OTOF: variants seen among roughly 807,000 people sequenced by gnomAD.
OTOF encodes the protein fer-1-like family member 2.
In OTOF, 218 loss-of-function variants were observed where a neutral mutation model predicts 236.8. The ratio of observed to expected loss-of-function variants is 0.92; its 90% confidence interval spans 0.82 to 1.03. OTOF has a LOEUF of 1.03. OTOF is among the 50% of genes least tolerant of loss of function. OTOF has a pLI of 0.00. For missense variants in OTOF, 2,590 were observed against 2,694.4 expected, an observed-to-expected ratio of 0.96 and a Z score of 0.86; for synonymous variants, 1,041 against 1,072.5, an observed-to-expected ratio of 0.97 and a Z score of 0.57.
rs377063843 is a variant in OTOF, at chr2:26,480,300, A to C, written c.1815T>G (p.Gly605=). The C allele has an allele frequency of 6.2e-7, 1 of 1,604,016 alleles. No individual in the cohort carries two copies. Among genetic ancestry groups the C allele is most frequent in the Non-Finnish European group, 8.5e-7 (1 of 1,172,422 alleles). The change falls in exon 16 of 47, where the codon GGT becomes GGG. Residue 605 remains glycine (G), a synonymous_variant. Transcript: ENST00000272371. ...QATPISESCA[G]KMEEFFLFGA... ...CAAAGAGAAAGAATTCTTCCATTTTACCTGCACAGCTCTGTGGGGAGGCAG... is the reference window on the plus strand; with the variant it reads ...CAAAGAGAAAGAATTCTTCCATTTTCCCTGCACAGCTCTGTGGGGAGGCAG...
At chr2:26,499,432 T>C (rs971616838) in intron 8 of OTOF, among the ~76,000 whole-genome samples, 2 of 152,180 alleles carry the variant, frequency 1.3e-5, no homozygotes, top group African/African-American at 4.8e-5. Context: ...CTGCGGTCTT[T>C]ATATCTCATC....
At chr2:26,535,255 A>C (rs1667042647) in intron 2 of OTOF, among the ~76,000 whole-genome samples, 2 of 152,164 alleles carry the variant, frequency 1.3e-5, no homozygotes, top group Admixed American at 1.3e-4. Flanking sequence ...TCTATGCATG[A>C]ATTCAGAACC....
chr2:26,528,292 C>T (rs1025827422), intron 2 of OTOF, among the ~76,000 whole-genome samples: 2 of 152,144 alleles, frequency 1.3e-5, no homozygotes, highest in African/African-American at 4.8e-5. Flanking sequence ...GGGTGGTGGT[C>T]GGGTCCCAGG....
intron 8 of OTOF, among the ~76,000 whole-genome samples, chr2:26,497,859 A>T (rs986965397): frequency 1.3e-5 from 2 of 151,466 alleles, no homozygotes; most frequent in East Asian, 3.9e-4. Flanking sequence ...CTATGAAGAG[A>T]GCAAACGGAC....
At chr2:26,481,298 C>T (rs1665535293) in intron 14 of OTOF, among the ~76,000 whole-genome samples, 2 of 152,216 alleles carry the variant, frequency 1.3e-5, no homozygotes, top group African/African-American at 4.8e-5. Context: ...ACTTGTAGGA[C>T]AGAGCCAGTC....
intron 5 of OTOF, among the ~76,000 whole-genome samples, chr2:26,513,494 C>T (rs891730140): frequency 4.6e-5 from 7 of 152,176 alleles, no homozygotes; most frequent in Admixed American, 4.6e-4. Flanking sequence ...CCCACTCAGT[C>T]TACCTCCCCG....
chr2:26,494,178 C>T (rs1197649521), intron 9 of OTOF, among the ~76,000 whole-genome samples: 2 of 152,248 alleles, frequency 1.3e-5, no homozygotes, highest in African/African-American at 4.8e-5. Flanking sequence ...AAGGCCCTTC[C>T]ATATGGAGGC....
chr2:26,527,028 G>A (rs951947885), intron 3 of OTOF, among the ~76,000 whole-genome samples: 2 of 152,204 alleles, frequency 1.3e-5, no homozygotes, highest in South Asian at 4.1e-4. Context: ...CACTGTTCCA[G>A]CGTGTTCAAA....
At chr2:26,494,717 G>A (rs374328689) in intron 9 of OTOF, among the ~76,000 whole-genome samples, 2 of 151,962 alleles carry the variant, frequency 1.3e-5, no homozygotes, top group South Asian at 2.1e-4. Flanking sequence ...GGTGGTGTAC[G>A]CTTCAAAGAC....
intron 14 of OTOF, 83 bp from the exon 15 acceptor site, chr2:26,481,092 G>T (rs2148057227): frequency 1.0e-6 from 1 of 979,006 alleles, no homozygotes. Context: ...GGGGTCCCTG[G>T]CCTCCAGCTC....
intron 3 of OTOF, among the ~76,000 whole-genome samples, chr2:26,523,606 C>T (rs1558514098): frequency 6.6e-6 from 1 of 152,320 alleles, no homozygotes; most frequent in Admixed American, 6.5e-5. Context: ...GAAGAGGGGC[C>T]ACTCCGATTC....
At chr2:26,522,002 T>C (rs1048138635) in intron 3 of OTOF, among the ~76,000 whole-genome samples, 1 of 152,196 alleles carries the variant, frequency 6.6e-6, no homozygotes, top group Non-Finnish European at 1.5e-5. Flanking sequence ...GAGTCTCCTT[T>C]GCAGGATGGG....
intron 3 of OTOF, among the ~76,000 whole-genome samples, chr2:26,519,752 C>A (rs1230618696): frequency 6.6e-6 from 1 of 152,194 alleles, no homozygotes; most frequent in African/African-American, 2.4e-5. Context: ...TCCTTAAGCT[C>A]TCTCAGTGTC....
In OTOF at chr2:26,463,498, G is replaced by T. The variant is rs760262251; in HGVS notation, c.5177C>A (p.Pro1726His). 6.2e-7 allele frequency: 1 copy of T among 1,605,892 alleles called. No homozygotes were observed. Among genetic ancestry groups the T allele is most frequent in the Non-Finnish European group, 8.5e-7 (1 of 1,176,512 alleles). The change falls in exon 41 of 47, where the codon CCT becomes CAT. Residue 1726 changes from proline (P) to histidine (H), a missense_variant. Pro to His is a moderately conservative substitution (Grantham distance 77, BLOSUM62 -2). This residue lies in a region of OTOF where 1,211 missense variants were observed against 1,352.8 expected (regional missense o/e 0.90). Coordinates refer to ENST00000272371, the MANE Select transcript of OTOF (RefSeq NM_194248.3). ...PAPGTPLDIS[P>H]RKPKKYELRV... ...GGCCGCTCACTTCTTGGGCTTCCGA[G>T]GTGAGATGTCCAGAGGCGTCCCAGG...
At chr2:26,536,374 G>A in intron 2 of OTOF, among the ~76,000 whole-genome samples, 1 of 152,180 alleles carries the variant, frequency 6.6e-6, no homozygotes, top group East Asian at 1.9e-4. Flanking sequence ...TAGCTCTAGT[G>A]ATTCACTTTA....
rs867287930 is a variant in OTOF, at chr2:26,458,170, T to C, written c.*68A>G. Reference sequence around the variant, plus strand: ...CTTGTACCGGGTGCAGATGAGGTACTTGATGGACTTGAGAGGGTTGAGGAA... The same window carrying C: ...CTTGTACCGGGTGCAGATGAGGTACCTGATGGACTTGAGAGGGTTGAGGAA... On this transcript the variant is annotated 3_prime_UTR_variant, in exon 47 of 47. Coordinates refer to ENST00000272371, the MANE Select transcript of OTOF (RefSeq NM_194248.3). 3.2e-5 allele frequency: 51 copies of C among 1,613,118 alleles called. No homozygotes were observed. The African/African-American group carries it at 5.3e-4, about 17-fold the overall frequency.
chr2:26,466,309 T>A (rs1664723397), intron 36 of OTOF: 4 of 590,428 alleles, frequency 6.8e-6, no homozygotes, highest in Admixed American at 5.9e-5. Flanking sequence ...TGCCTCCCAG[T>A]CTGGGGCTGT....
chr2:26,491,322 TG>T (rs1292078225), intron 9 of OTOF, among the ~76,000 whole-genome samples: 3 of 151,590 alleles, frequency 2.0e-5, no homozygotes, highest in Non-Finnish European at 4.4e-5. Flanking sequence ...GAGGGGTGAC[TG>T]GGGGGAGGAA....
intron 24 of OTOF, 92 bp from the exon 25 acceptor site, chr2:26,475,585 G>A: frequency 7.2e-7 from 1 of 1,393,088 alleles, no homozygotes; most frequent in Non-Finnish European, 1.0e-6. Context: ...AGCTTCCACG[G>A]AACCTGGGGG....
Sources: allele counts gnomAD v4.1 joint callset (sites outside exome capture counted in the v4.1 genomes callset), GRCh38; gene constraint gnomAD v4.1.1; regional missense constraint gnomAD v4.1.1; transcripts MANE v1.5; gene names NCBI Gene and HGNC (gene_info 2026-07-23, HGNC 2026-07-21).